The following CCBE1 variants were observed in gnomAD, a reference collection of about 807,000 sequenced individuals.
CCBE1 encodes the protein collagen and calcium-binding EGF domain-containing protein 1.
In CCBE1, 37 loss-of-function variants were observed where a neutral mutation model predicts 50.0. The ratio of observed to expected loss-of-function variants is 0.74; its 90% CI spans 0.57 to 0.97. The LOEUF is 0.97. CCBE1 is among the 50% of genes least tolerant of loss of function. The probability of loss-of-function intolerance (pLI) is 0.00; values close to 1 mark genes in which losing one functional copy is unlikely to be tolerated. For synonymous variants in CCBE1, 234 were observed against 203.7 expected (o/e 1.15, Z -1.27); for missense variants, 538 against 523.8 (o/e 1.03, Z -0.26).
intron 2 of CCBE1, among the ~76,000 whole-genome samples, chr18:59,551,022 A>AG (rs1915903332): frequency 4.3e-5 from 6 of 138,684 alleles, no homozygotes; most frequent in South Asian, 2.4e-4. Flanking sequence ...AAAAAAAAAA[A>AG]AAAAAAAGAA....
chr18:59,493,521 T>C (rs1326534429), intron 2 of CCBE1, among the ~76,000 whole-genome samples: 1 of 149,816 alleles, frequency 6.7e-6, no homozygotes, highest in Non-Finnish European at 1.5e-5. Context: ...GCATTTTCCA[T>C]AGATTATTTA....
At chr18:59,639,583 C>T (rs1030689813) in intron 2 of CCBE1, among the ~76,000 whole-genome samples, 1 of 152,148 alleles carries the variant, frequency 6.6e-6, no homozygotes, top group African/African-American at 2.4e-5. Flanking sequence ...AAAACTGGCA[C>T]AAGACAAAGA....
At chr18:59,524,925 C>G (rs767246011) in intron 2 of CCBE1, among the ~76,000 whole-genome samples, 14 of 152,180 alleles carry the variant, frequency 9.2e-5, no homozygotes, top group Non-Finnish European at 1.6e-4. Context: ...ACTACATGAT[C>G]TCGTTCCTTT....
intron 2 of CCBE1, among the ~76,000 whole-genome samples, chr18:59,639,961 G>C (rs1378574938): frequency 1.3e-5 from 2 of 152,054 alleles, no homozygotes; most frequent in African/African-American, 4.8e-5. Context: ...TCTACAGAAA[G>C]AATTACAAAA....
chr18:59,674,430 G>A (rs975833812), intron 2 of CCBE1, among the ~76,000 whole-genome samples: 2 of 152,032 alleles, frequency 1.3e-5, no homozygotes, highest in Non-Finnish European at 2.9e-5. Context: ...GAGAACACAT[G>A]GATACAGGGA....
chr18:59,478,516 C>A (rs1041486589), intron 3 of CCBE1, among the ~76,000 whole-genome samples: 5 of 152,308 alleles, frequency 3.3e-5, no homozygotes, highest in Non-Finnish European at 7.4e-5. Flanking sequence ...GGCAAAACAA[C>A]TTTCAGCATG....
chr18:59,692,956 G>GCACACACACACA lies in CCBE1; in HGVS notation c.212+3661_212+3672dup, dbSNP rs59496597. The stretch of plus-strand genomic sequence containing the variant: ...AAAAGAACCACTTTGTCAAGCCAAA[G>GCACACACACACA]CACACACACACACACACACACACAC... On this transcript the variant is annotated intron_variant, in intron 2 of 10. Transcript: ENST00000439986. Among the ~76,000 whole-genome samples the GCACACACACACA allele has an allele frequency of 2.2e-4, 19 of 86,966 alleles. 1 individual carries two copies. The highest frequency in any genetic ancestry group is 7.8e-4 in the African/African-American group (18 of 22,996). 57.1% of individuals were successfully genotyped at this position (86,966 alleles called of 152,430 possible). A position where few individuals can be genotyped will look rare whatever the true frequency, so the allele number is the denominator to read the frequency against.
chr18:59,612,550 T>C lies in CCBE1; in HGVS notation c.212+84079A>G, dbSNP rs549606264. On this transcript the variant is annotated intron_variant, in intron 2 of 10. Transcript: ENST00000439986. ...TTTTCTGGGCAGCTGACTTTACCAATAACCATGATTATTTATGGAGCTTTA... is the reference window on the plus strand; with the variant it reads ...TTTTCTGGGCAGCTGACTTTACCAACAACCATGATTATTTATGGAGCTTTA... Among the ~76,000 whole-genome samples the C allele has an allele frequency of 5.3e-5, 8 of 152,288 alleles. No individual in the cohort carries two copies. In the South Asian group the frequency reaches 1.2e-3, roughly 24 times the overall value.
At chr18:59,545,583 T>C (rs1468782809) in intron 2 of CCBE1, among the ~76,000 whole-genome samples, 1 of 152,202 alleles carries the variant, frequency 6.6e-6, no homozygotes, top group Non-Finnish European at 1.5e-5. Context: ...ATGTTCTAGT[T>C]TATTGCAATT....
At chr18:59,529,737 C>T (rs1446483782) in intron 2 of CCBE1, among the ~76,000 whole-genome samples, 1 of 152,098 alleles carries the variant, frequency 6.6e-6, no homozygotes, top group East Asian at 1.9e-4. Flanking sequence ...GCAGGATTCA[C>T]TCACAGTTTT....
intron 2 of CCBE1, among the ~76,000 whole-genome samples, chr18:59,613,863 G>GTTTTTTTTTTTTTTTTTTTTT (rs34847608): frequency 2.0e-5 from 2 of 98,444 alleles, no homozygotes; most frequent in African/African-American, 3.7e-5. Flanking sequence ...TCTCTGATGG[G>GTTTTTTTTTTTTTTTTTTTTT]TTTTTTTTTT....
At chr18:59,594,762 A>G (rs1318684174) in intron 2 of CCBE1, among the ~76,000 whole-genome samples, 1 of 152,088 alleles carries the variant, frequency 6.6e-6, no homozygotes, top group African/African-American at 2.4e-5. Flanking sequence ...ATGAGTAGGG[A>G]TGAAAGGCGG....
intron 6 of CCBE1, among the ~76,000 whole-genome samples, chr18:59,451,008 C>T (rs1209914121): frequency 1.3e-5 from 2 of 152,206 alleles, no homozygotes; most frequent in African/African-American, 2.4e-5. Flanking sequence ...TCCTAGGGGC[C>T]TCTAAATTCT....
At chr18:59,581,988 G>T (rs774467322) in intron 2 of CCBE1, among the ~76,000 whole-genome samples, 1 of 152,106 alleles carries the variant, frequency 6.6e-6, no homozygotes, top group Non-Finnish European at 1.5e-5. Flanking sequence ...GGCTAAGTGT[G>T]AAGATTAAAG....
chr18:59,604,784 T>C (rs1568229945), intron 2 of CCBE1, among the ~76,000 whole-genome samples: 2 of 152,242 alleles, frequency 1.3e-5, no homozygotes, highest in African/African-American at 4.8e-5. Context: ...ATGTACACTG[T>C]CTAGTTTTGT....
chr18:59,682,452 G>A (rs1168264228), intron 2 of CCBE1, among the ~76,000 whole-genome samples: 1 of 152,156 alleles, frequency 6.6e-6, no homozygotes, highest in African/African-American at 2.4e-5. Context: ...AACTTAAGAT[G>A]CTAATTTCAA....
chr18:59,496,983 G>A (rs927392817), intron 2 of CCBE1, among the ~76,000 whole-genome samples: 1 of 152,172 alleles, frequency 6.6e-6, no homozygotes, highest in Admixed American at 6.5e-5. Context: ...AATTATATAT[G>A]AGCTTACATT....
intron 5 of CCBE1, among the ~76,000 whole-genome samples, chr18:59,463,124 T>C (rs1260286526): frequency 1.3e-5 from 2 of 152,218 alleles, no homozygotes; most frequent in South Asian, 2.1e-4. Context: ...GTAGTCCCAG[T>C]GCTGACTTAG....
In CCBE1 at chr18:59,433,553, C is replaced by G. The variant is rs1307336455; in HGVS notation, c.*2355G>C. 1 of 151,996 alleles carries G rather than the reference C, an allele frequency of 6.6e-6. No homozygotes were observed. Among genetic ancestry groups the G allele is most frequent in the Non-Finnish European group, 1.5e-5 (1 of 67,996 alleles). The allele number at this position is 151,996 out of a possible 1,614,324, so 9.4% of individuals were successfully genotyped here. ...CACTAGAGGTTTGCAAAGCCCCTTC[C>G]TAACATTCTTAAGGAAGAAGACTGA... On this transcript the variant is annotated 3_prime_UTR_variant, in exon 11 of 11. Transcript: ENST00000439986.
Sources: allele counts gnomAD v4.1 joint callset (sites outside exome capture counted in the v4.1 genomes callset), GRCh38; gene constraint gnomAD v4.1.1; transcripts MANE v1.5; gene names NCBI Gene and HGNC (gene_info 2026-07-23, HGNC 2026-07-21).